PRR11: variants seen among roughly 807,000 people sequenced by gnomAD.
The protein encoded by PRR11 is proline-rich protein 11.
A neutral mutation model predicts 45.6 loss-of-function variants in PRR11; 30 were observed. That is an observed-to-expected ratio of 0.66 (90% CI 0.49 to 0.89). The LOEUF (loss-of-function observed/expected upper bound fraction) is 0.89, where lower values mean the gene tolerates loss of function less well. Ranked by LOEUF, PRR11 falls within the 40% of genes least tolerant of loss-of-function variation. The pLI is 0.00. For missense variants in PRR11, 373 were observed against 424.8 expected, an observed-to-expected ratio of 0.88 and a Z score of 1.07; for synonymous variants, 128 against 153.5, an observed-to-expected ratio of 0.83 and a Z score of 1.23.
chr17:59,195,583 T>C (rs1184582872), intron 7 of PRR11, 140 bp downstream of exon 7: 1 of 560,254 alleles, frequency 1.8e-6, no homozygotes, highest in Non-Finnish European at 3.0e-6. Flanking sequence ...ATAGAAAAAC[T>C]GAAATCTACA....
intron 1 of PRR11, among the ~76,000 whole-genome samples, chr17:59,165,043 CAG>C (rs983012880): frequency 3.7e-4 from 56 of 151,340 alleles, no homozygotes; most frequent in African/African-American, 1.2e-3. Flanking sequence ...GTTTTTGAGA[CAG>C]AGTCTCGCTC....
chr17:59,175,088 G>T, intron 2 of PRR11: 1 of 576,848 alleles, frequency 1.7e-6, no homozygotes, highest in Non-Finnish European at 3.1e-6. Flanking sequence ...TGTTTCATTT[G>T]GAGGCCTCGT....
At chr17:59,177,402 G>A (rs1269946681) in intron 2 of PRR11, 20 of 467,702 alleles carry the variant, frequency 4.3e-5, no homozygotes, top group East Asian at 2.3e-4. Flanking sequence ...TGGAAATTGC[G>A]GGGTGGTGGG....
rs781296642 is a variant in PRR11 at position 59,194,757 on chromosome 17, G to A, written c.646G>A (p.Ala216Thr). ...RKPSLAKALQ[A>T]GPLKKDGPMQ... Reference sequence around the variant, plus strand: ...TTCTAACCTTACCATGTATTTTAAGGCTGGACCATTAAAAAAAGATGGACC... The same window carrying A: ...TTCTAACCTTACCATGTATTTTAAGACTGGACCATTAAAAAAAGATGGACC... The change falls in exon 6 of 10, where the codon GCT (alanine) becomes ACT (threonine). Residue 216 changes from alanine (A) to threonine (T), a missense_variant and splice_region_variant. Physicochemically the swap from Ala to Thr is moderately conservative, Grantham distance 58. Transcript: ENST00000262293. 3.7e-6 allele frequency: 6 copies of A among 1,609,894 alleles called. No homozygotes were observed. The South Asian group carries it at 4.4e-5, about 12-fold the overall frequency.
intron 1 of PRR11, among the ~76,000 whole-genome samples, chr17:59,158,601 T>C (rs1364010125): frequency 6.6e-6 from 1 of 152,210 alleles, no homozygotes; most frequent in Admixed American, 6.5e-5. Flanking sequence ...AAGACGGCAA[T>C]TGACAATTGG....
chr17:59,165,181 C>A (rs966291273), intron 1 of PRR11, among the ~76,000 whole-genome samples: 1 of 151,564 alleles, frequency 6.6e-6, no homozygotes, highest in East Asian at 2.0e-4. Context: ...CCACTGCGCC[C>A]GGCTAATTTT....
intron 2 of PRR11, among the ~76,000 whole-genome samples, chr17:59,182,209 G>A (rs551873912): frequency 1.1e-4 from 17 of 151,662 alleles, no homozygotes; most frequent in African/African-American, 3.1e-4. Context: ...TGTACTTTTA[G>A]TAGAGATGGG....
At chr17:59,181,669 T>C (rs1455341929) in intron 2 of PRR11, 9 of 1,538,218 alleles carry the variant, frequency 5.9e-6, no homozygotes, top group Non-Finnish European at 7.9e-6. Context: ...CTCCGATGAC[T>C]CCTCAGATTG....
intron 4 of PRR11, among the ~76,000 whole-genome samples, chr17:59,193,120 A>G (rs1197912792): frequency 1.3e-5 from 2 of 152,164 alleles, no homozygotes; most frequent in East Asian, 1.9e-4. Flanking sequence ...TATGTTGTCC[A>G]GGCTGGTCTC....
chr17:59,195,461 A>G lies in PRR11; in HGVS notation c.857+18A>G, dbSNP rs2046861439. On this transcript the variant is annotated intron_variant, in intron 7 of 9. Coordinates refer to ENST00000262293, the MANE Select transcript of PRR11 (RefSeq NM_018304.4). ...GTCTTAATGTAAGGAACTGCACAGT[A>G]CTATGCTCTACTACTACTTAAAAGA... The G allele has an allele frequency of 4.9e-6, 7 of 1,422,660 alleles. No individual in the cohort carries two copies. Among genetic ancestry groups the G allele is most frequent in the Non-Finnish European group, 6.9e-6 (7 of 1,007,866 alleles). 88.1% of individuals were successfully genotyped at this position (1,422,660 alleles called of 1,614,324 possible).
rs369476313 is a variant in PRR11, at chr17:59,181,603, A to G, written c.129-3451A>G. Reference sequence around the variant, plus strand: ...CAGCTTCATTTTGAGCCCACACAGCATCTCCGCCACCCAGGTCTCCTCAGG... The same window carrying G: ...CAGCTTCATTTTGAGCCCACACAGCGTCTCCGCCACCCAGGTCTCCTCAGG... On this transcript the variant is annotated intron_variant, in intron 2 of 9. Coordinates refer to ENST00000262293, the MANE Select transcript of PRR11 (RefSeq NM_018304.4). The G allele has an allele frequency of 3.1e-4, 430 of 1,408,056 alleles. 7 individuals carry two copies. In the East Asian group the frequency reaches 8.9e-3, roughly 29 times the overall value. The allele number at this position is 1,408,056 out of a possible 1,614,324, so 87.2% of individuals were successfully genotyped here.
At chr17:59,197,036 A>C (rs1391457234) in intron 7 of PRR11, among the ~76,000 whole-genome samples, 1 of 150,654 alleles carries the variant, frequency 6.6e-6, no homozygotes, top group Non-Finnish European at 1.5e-5. Flanking sequence ...TTTAGTAGAG[A>C]TGGGGTTTCA....
chr17:59,189,327 A>C (rs1431044955), intron 4 of PRR11, among the ~76,000 whole-genome samples: 1 of 147,496 alleles, frequency 6.8e-6, no homozygotes, highest in Admixed American at 6.7e-5. Flanking sequence ...AAAAAAAAAA[A>C]TAGAATAATT....
rs779444327 is a variant in PRR11, at chr17:59,201,545, G to A, written c.1015-18G>A. On this transcript the variant is annotated intron_variant, in intron 9 of 9. Coordinates refer to ENST00000262293, the MANE Select transcript of PRR11 (RefSeq NM_018304.4). ...GGAATATAATTGATATTATAATTGGGACTTTTTTTTTTTATAGCTGGCTCA... is the reference window on the plus strand; with the variant it reads ...GGAATATAATTGATATTATAATTGGAACTTTTTTTTTTTATAGCTGGCTCA... 1.3e-6 allele frequency: 2 copies of A among 1,586,572 alleles called. No homozygotes were observed. The highest frequency in any genetic ancestry group is 1.7e-4 in the Middle Eastern group (1 of 6,018).
chr17:59,192,642 AT>A (rs2046844848), intron 4 of PRR11, among the ~76,000 whole-genome samples: 1 of 152,138 alleles, frequency 6.6e-6, no homozygotes, highest in Non-Finnish European at 1.5e-5. Flanking sequence ...GTGTGAGTAC[AT>A]TCCTGATATC....
intron 2 of PRR11, chr17:59,181,558 A>T: frequency 8.0e-7 from 1 of 1,250,156 alleles, no homozygotes; most frequent in Non-Finnish European, 1.1e-6. Context: ...CACGAATGAC[A>T]CTAGCCGTTG....
intron 1 of PRR11, among the ~76,000 whole-genome samples, chr17:59,159,558 T>C (rs569008901): frequency 6.1e-4 from 93 of 152,352 alleles, no homozygotes; most frequent in African/African-American, 2.1e-3. Flanking sequence ...AAACCATTCT[T>C]TCTAAAGAAG....
At chr17:59,197,181 A>G (rs1386362928) in intron 7 of PRR11, among the ~76,000 whole-genome samples, 1 of 151,938 alleles carries the variant, frequency 6.6e-6, no homozygotes, top group Non-Finnish European at 1.5e-5. Context: ...ACATAGAACT[A>G]CTTTCTAGGA....
chr17:59,175,006 G>A (rs1423422380), intron 2 of PRR11: 17 of 699,620 alleles, frequency 2.4e-5, no homozygotes, highest in Non-Finnish European at 4.0e-5. Context: ...CGCATGGAAC[G>A]GAAGAACTGG....
Sources: gnomAD v4.1 joint callset for allele counts (sites outside exome capture counted in the v4.1 genomes callset) on GRCh38, gnomAD v4.1.1 for gene constraint, MANE v1.5 for transcripts, NCBI Gene and HGNC (gene_info 2026-07-23, HGNC 2026-07-21) for gene names.